ZSWIM6: variants seen among roughly 807,000 people sequenced by gnomAD.
ZSWIM6 encodes the protein zinc finger SWIM domain-containing protein 6.
ZSWIM6 carries 9 observed loss-of-function variants against 113.2 expected under a neutral mutation model. That is an observed-to-expected ratio of 0.08 (90% CI 0.05 to 0.14). The LOEUF is 0.14. Ranked by LOEUF, ZSWIM6 falls within the 10% of genes least tolerant of loss-of-function variation. The pLI is 1.00. For synonymous variants in ZSWIM6, 611 were observed against 606.5 expected, an observed-to-expected ratio of 1.01 and a Z score of -0.11; for missense variants, 1,162 against 1,552.2, an observed-to-expected ratio of 0.75 and a Z score of 4.22.
intron 2 of ZSWIM6, among the ~76,000 whole-genome samples, chr5:61,473,315 GT>G (rs753394605): frequency 9.9e-5 from 15 of 152,068 alleles, no homozygotes; most frequent in Non-Finnish European, 2.1e-4. Context: ...CTAGATATTA[GT>G]TATGCAGAAC....
chr5:61,490,396 T>A (rs779706869), intron 2 of ZSWIM6, among the ~76,000 whole-genome samples: 9 of 152,136 alleles, frequency 5.9e-5, no homozygotes, highest in Non-Finnish European at 1.2e-4. Context: ...AATACTCTGC[T>A]AAGTTTACTT....
intron 1 of ZSWIM6, among the ~76,000 whole-genome samples, chr5:61,333,562 G>A (rs994592163): frequency 6.6e-6 from 1 of 151,928 alleles, no homozygotes; most frequent in African/African-American, 2.4e-5. Context: ...TCGCTGTGGC[G>A]TCTGGCCCGG....
intron 1 of ZSWIM6, 96 bp downstream of exon 1, chr5:61,333,044 C>T (rs1476208003): frequency 2.9e-6 from 3 of 1,042,894 alleles, no homozygotes; most frequent in Non-Finnish European, 3.5e-6. Flanking sequence ...CCCCTAGTTC[C>T]GCGCGCGCCC....
chr5:61,501,317 AAG>A (rs1194183519), intron 4 of ZSWIM6, among the ~76,000 whole-genome samples: 1 of 152,202 alleles, frequency 6.6e-6, no homozygotes, highest in African/African-American at 2.4e-5. Context: ...AGTAAACCAA[AAG>A]AGAGAATGTA....
chr5:61,434,235 A>G (rs1175367788), intron 1 of ZSWIM6, among the ~76,000 whole-genome samples: 1 of 148,770 alleles, frequency 6.7e-6, no homozygotes, highest in Non-Finnish European at 1.5e-5. Flanking sequence ...TAATACATAT[A>G]TACACATAGT....
chr5:61,419,980 C>T (rs2112123402), intron 1 of ZSWIM6, among the ~76,000 whole-genome samples: 1 of 152,334 alleles, frequency 6.6e-6, no homozygotes, highest in African/African-American at 2.4e-5. Context: ...TTGGGTTAAC[C>T]ATTTGACATC....
chr5:61,335,615 C>T (rs112981865), intron 1 of ZSWIM6, among the ~76,000 whole-genome samples: 1 of 152,212 alleles, frequency 6.6e-6, no homozygotes, highest in Non-Finnish European at 1.5e-5. Flanking sequence ...GAACAGAATA[C>T]TTTGTTGATA....
intron 1 of ZSWIM6, among the ~76,000 whole-genome samples, chr5:61,429,909 A>C (rs939501801): frequency 1.3e-5 from 2 of 152,214 alleles, no homozygotes; most frequent in African/African-American, 4.8e-5. Context: ...AGTGAATGCA[A>C]ACTTGAGAAT....
chr5:61,461,702 C>T (rs1747327550), intron 1 of ZSWIM6, among the ~76,000 whole-genome samples: 1 of 152,142 alleles, frequency 6.6e-6, no homozygotes, highest in Non-Finnish European at 1.5e-5. Flanking sequence ...AAGTCAAATT[C>T]TTCACTCAGG....
chr5:61,495,360 CACA>C (rs933581624), intron 4 of ZSWIM6, among the ~76,000 whole-genome samples: 8 of 152,200 alleles, frequency 5.3e-5, no homozygotes, highest in Admixed American at 2.0e-4. Context: ...AGGAGACTTC[CACA>C]ACATGACACT....
At chr5:61,394,619 C>G (rs1421100109) in intron 1 of ZSWIM6, among the ~76,000 whole-genome samples, 1 of 152,150 alleles carries the variant, frequency 6.6e-6, no homozygotes, top group African/African-American at 2.4e-5. Flanking sequence ...GGGGAATTAT[C>G]AGTTCTTCCT....
chr5:61,419,118 G>A (rs573476083), intron 1 of ZSWIM6, among the ~76,000 whole-genome samples: 2 of 152,328 alleles, frequency 1.3e-5, no homozygotes, highest in Admixed American at 6.5e-5. Flanking sequence ...CACCACGCCC[G>A]GCCTCCTCTT....
At chr5:61,390,614 TCCAGTGGAAAA>T in intron 1 of ZSWIM6, 1 of 677,336 alleles carries the variant, frequency 1.5e-6, no homozygotes, top group Admixed American at 2.0e-5. Flanking sequence ...ATTTTTTTTT[TCCAGTGGAAAA>T]TAACTTTTAA....
intron 4 of ZSWIM6, among the ~76,000 whole-genome samples, chr5:61,497,771 C>G (rs1409982817): frequency 6.6e-6 from 1 of 152,144 alleles, no homozygotes; most frequent in Non-Finnish European, 1.5e-5. Context: ...TAGAAAGCCC[C>G]ATTGCAATGG....
chr5:61,437,903 A>G (rs1160484676), intron 1 of ZSWIM6, among the ~76,000 whole-genome samples: 1 of 151,994 alleles, frequency 6.6e-6, no homozygotes, highest in African/African-American at 2.4e-5. Context: ...TTGTGCCAAT[A>G]TGACATTTTT....
intron 1 of ZSWIM6, among the ~76,000 whole-genome samples, chr5:61,389,099 T>C (rs1403774374): frequency 6.6e-6 from 1 of 152,078 alleles, no homozygotes; most frequent in African/African-American, 2.4e-5. Flanking sequence ...CAGTGGAATT[T>C]TGGTTTGTTC....
At chr5:61,406,235 C>T (rs1746041297) in intron 1 of ZSWIM6, among the ~76,000 whole-genome samples, 1 of 152,212 alleles carries the variant, frequency 6.6e-6, no homozygotes, top group Non-Finnish European at 1.5e-5. Flanking sequence ...CTGCTCTTTT[C>T]AGCAACTGAT....
chr5:61,497,692 A>C (rs1258859138), intron 4 of ZSWIM6, among the ~76,000 whole-genome samples: 2 of 152,214 alleles, frequency 1.3e-5, no homozygotes, highest in Non-Finnish European at 2.9e-5. Flanking sequence ...TTTCCCAAAC[A>C]TACACCAGTG....
intron 1 of ZSWIM6, among the ~76,000 whole-genome samples, chr5:61,364,251 C>A (rs889911241): frequency 2.0e-5 from 3 of 152,004 alleles, no homozygotes; most frequent in Non-Finnish European, 4.4e-5. Context: ...TACTCCATCC[C>A]CTCTAGATTC....
Sources: gnomAD v4.1 joint callset for allele counts (sites outside exome capture counted in the v4.1 genomes callset) on GRCh38, gnomAD v4.1.1 for gene constraint, MANE v1.5 for transcripts, NCBI Gene and HGNC (gene_info 2026-07-23, HGNC 2026-07-21) for gene names.